The following CACNA1A variants were observed in gnomAD, a reference collection of about 807,000 sequenced individuals.
CACNA1A encodes the protein voltage-dependent P/Q-type calcium channel subunit alpha-1A.
A neutral mutation model predicts 262.4 loss-of-function variants in CACNA1A; 57 were observed. That is an observed-to-expected ratio of 0.22 (90% confidence interval 0.18 to 0.27). The LOEUF (loss-of-function observed/expected upper bound fraction) is 0.27, where lower values mean the gene tolerates loss of function less well. CACNA1A is among the 10% of genes least tolerant of loss of function. The probability of loss-of-function intolerance (pLI) is 1.00; values close to 1 mark genes in which losing one functional copy is unlikely to be tolerated. For synonymous variants in CACNA1A, 1,431 were observed against 1,419.3 expected, an observed-to-expected ratio of 1.01 and a Z score of -0.18; for missense variants, 2,526 against 3,562.8, an observed-to-expected ratio of 0.71 and a Z score of 7.41.
In CACNA1A at chr19:13,330,243, C is replaced by T. The variant is rs2145114772; in HGVS notation, c.1345+1G>A. ...GATAGGTGGCAGAGGAAGGGACTCA[C>T]CCACAGAGGCTATATCAGCCAGCTG... is the stretch of plus-strand genomic sequence containing the variant. On this transcript the variant is annotated splice_donor_variant, in intron 10 of 46. Transcript: ENST00000360228. LOFTEE classifies it high-confidence loss of function. 6.4e-7 allele frequency: 1 copy of T among 1,551,570 alleles called. No individual in the cohort carries two copies. Among genetic ancestry groups the T allele is most frequent in the Non-Finnish European group, 8.7e-7 (1 of 1,145,468 alleles).
intron 3 of CACNA1A, among the ~76,000 whole-genome samples, chr19:13,394,697 A>G (rs2059779722): frequency 6.6e-6 from 1 of 152,138 alleles, no homozygotes; most frequent in South Asian, 2.1e-4. Flanking sequence ...GGGCGCCTAT[A>G]CCCACTTCAC....
intron 3 of CACNA1A, among the ~76,000 whole-genome samples, chr19:13,445,444 CTTAGTAAA>C (rs2060793262): frequency 6.6e-6 from 1 of 152,206 alleles, no homozygotes; most frequent in African/African-American, 2.4e-5. Flanking sequence ...TTCTAAACAG[CTTAGTAAA>C]TTTCCCAGGA....
chr19:13,229,461 G>A (rs1483173065), intron 36 of CACNA1A, among the ~76,000 whole-genome samples: 2 of 152,172 alleles, frequency 1.3e-5, no homozygotes, highest in Non-Finnish European at 2.9e-5. Context: ...GCACAAGGTG[G>A]AACCCACCCT....
chr19:13,209,596 G>A (rs998172978), intron 44 of CACNA1A, 98 bp from the exon 45 acceptor site: 56 of 905,586 alleles, frequency 6.2e-5, no homozygotes, highest in Non-Finnish European at 7.7e-5. Context: ...GGTGGCCTTC[G>A]GTGACTGCGG....
chr19:13,500,945 G>C (rs911822668), intron 1 of CACNA1A, among the ~76,000 whole-genome samples: 1 of 152,122 alleles, frequency 6.6e-6, no homozygotes, highest in African/African-American at 2.4e-5. Flanking sequence ...GCTATATACT[G>C]TGAAATTACA....
At chr19:13,454,373 C>T (rs532232844) in intron 2 of CACNA1A, among the ~76,000 whole-genome samples, 5 of 151,094 alleles carry the variant, frequency 3.3e-5, no homozygotes, top group South Asian at 2.1e-4. Context: ...TCTTTTTTTT[C>T]GCCTCCCCCC....
At chr19:13,257,613 G>T (rs1000977841) in intron 27 of CACNA1A, 62 bp from the exon 28 acceptor site, 4 of 1,107,670 alleles carry the variant, frequency 3.6e-6, no homozygotes, top group African/African-American at 1.6e-5. Context: ...GACCCAAGGG[G>T]TGATGAGGAA....
rs532901298 is a variant in CACNA1A at position 13,425,435 on chromosome 19, C to G, written c.539+27441G>C. ...AGAAAGTCTCAAAGGAGACACACCA[C>G]TCCCCAAGTAGGATGGGGCCCCAAT... On this transcript the variant is annotated intron_variant, in intron 3 of 46. Coordinates refer to ENST00000360228, the MANE Select transcript of CACNA1A (RefSeq NM_001127222.2). 2.6e-5 allele frequency among the ~76,000 whole-genome samples: 4 copies of G among 152,332 alleles called. 1 individual carries two copies. The South Asian group carries it at 8.3e-4, about 32-fold the overall frequency.
At chr19:13,219,673 G>A (rs1313806074) in intron 38 of CACNA1A, among the ~76,000 whole-genome samples, 1 of 152,122 alleles carries the variant, frequency 6.6e-6, no homozygotes, top group Non-Finnish European at 1.5e-5. Flanking sequence ...AAATACCGGA[G>A]GCCCGGTGCG....
intron 3 of CACNA1A, among the ~76,000 whole-genome samples, chr19:13,447,794 A>G (rs1262536546): frequency 6.6e-6 from 1 of 152,206 alleles, no homozygotes; most frequent in Non-Finnish European, 1.5e-5. Flanking sequence ...CAGGACAAAG[A>G]TGAAGGCCAG....
Position 13,207,746 on chromosome 19 carries a change from C to T in CACNA1A, c.7088G>A (p.Arg2363His), listed in dbSNP as rs1274382033. 3 of 1,369,714 alleles carry T rather than the reference C, an allele frequency of 2.2e-6. No individual in the cohort carries two copies. Among genetic ancestry groups the T allele is most frequent in the Non-Finnish European group, 2.8e-6 (3 of 1,068,616 alleles). The allele number at this position is 1,369,714 out of a possible 1,614,324, so 84.8% of individuals were successfully genotyped here. Reference protein sequence around the residue: ...RPPTGGHSSGRSPRMERRVPG... With the variant: ...RPPTGGHSSGHSPRMERRVPG... ...GACCCGCCTCTCCATCCTGGGCGAG[C>T]GGCCGCTGCTGTGGCCCCCCGTGGG... The change falls in exon 47 of 47, where the codon CGC becomes CAC. Residue 2363 changes from arginine to histidine, a missense_variant. Physicochemically the swap from Arg to His is conservative, Grantham distance 29. This residue lies in a region of CACNA1A where 929 missense variants were observed against 868.1 expected (regional missense o/e 1.07). Coordinates refer to ENST00000360228, the MANE Select transcript of CACNA1A (RefSeq NM_001127222.2). The surrounding 1 kb of genome is among the most constrained non-coding windows in gnomAD (Gnocchi z 5.7).
At chr19:13,224,617 C>G (rs147309110) in intron 38 of CACNA1A, 50 bp downstream of exon 38, 38 of 1,270,616 alleles carry the variant, frequency 3.0e-5, no homozygotes, top group Non-Finnish European at 4.0e-5. Context: ...GGGAGATCCC[C>G]GGTTCCACCC....
intron 3 of CACNA1A, among the ~76,000 whole-genome samples, chr19:13,394,875 G>C (rs542747803): frequency 6.6e-6 from 1 of 152,190 alleles, no homozygotes. Context: ...CCCTAAGGCG[G>C]GTCGTAGAAA....
rs367559329 is a variant in CACNA1A at position 13,450,139 on chromosome 19, CAAAAAA to C, written c.539+2731_539+2736del. ...CTGGGTGACAGAGGGAGACTCTTGT[CAAAAAA>C]AAAAAAAAAAAAAAAAAGAGAAAGG... On this transcript the variant is annotated intron_variant, in intron 3 of 46. Transcript: ENST00000360228. Among the ~76,000 whole-genome samples the C allele has an allele frequency of 7.5e-4, 39 of 52,246 alleles. No homozygotes were observed. In the East Asian group the frequency reaches 8.7e-3, roughly 12 times the overall value. 34.3% of individuals were successfully genotyped at this position (52,246 alleles called of 152,430 possible). A position where few individuals can be genotyped will look rare whatever the true frequency, so the allele number is the denominator to read the frequency against.
intron 30 of CACNA1A, chr19:13,252,409 A>C (rs936336803): frequency 2.1e-5 from 3 of 145,268 alleles, no homozygotes; most frequent in Non-Finnish European, 4.5e-5. Flanking sequence ...CTTTTTTTTG[A>C]GACAGAGTTT....
At chr19:13,336,227 A>G (rs2058562475) in intron 6 of CACNA1A, among the ~76,000 whole-genome samples, 1 of 152,192 alleles carries the variant, frequency 6.6e-6, no homozygotes. Flanking sequence ...AACAAAACAC[A>G]AAACCTATTG....
intron 3 of CACNA1A, among the ~76,000 whole-genome samples, chr19:13,411,865 C>A (rs1005412357): frequency 1.3e-5 from 2 of 152,066 alleles, no homozygotes; most frequent in Admixed American, 6.6e-5. Flanking sequence ...GGACACATCA[C>A]CCTGCCTGGC....
intron 29 of CACNA1A, among the ~76,000 whole-genome samples, chr19:13,253,507 G>A (rs1264291360): frequency 2.1e-5 from 3 of 144,872 alleles, no homozygotes; most frequent in Non-Finnish European, 3.0e-5. Flanking sequence ...GTGCAGTGGC[G>A]CGATCTCGGC....
At chr19:13,447,893 T>C (rs145841490) in intron 3 of CACNA1A, among the ~76,000 whole-genome samples, 2 of 152,240 alleles carry the variant, frequency 1.3e-5, no homozygotes, top group Non-Finnish European at 2.9e-5. Context: ...CCCACACAGA[T>C]TGGGGGTGAG....
Sources: gnomAD v4.1 joint callset for allele counts (sites outside exome capture counted in the v4.1 genomes callset) on GRCh38, gnomAD v4.1.1 for gene constraint, gnomAD v4.1.1 regional missense constraint, Gnocchi (gnomAD v3.1) non-coding constraint, MANE v1.5 for transcripts, NCBI Gene and HGNC (gene_info 2026-07-23, HGNC 2026-07-21) for gene names.